Variants in DUSP22 observed in about 807,000 individuals in gnomAD.
DUSP22 encodes the protein dual specificity phosphatase 22.
DUSP22 carries 24 observed loss-of-function variants against 24.5 expected under a neutral mutation model. The ratio of observed to expected loss-of-function variants is 0.98; its 90% confidence interval spans 0.71 to 1.38. The LOEUF is 1.38. Ranked by LOEUF, DUSP22 falls within the 40% of genes most tolerant of loss-of-function variation. DUSP22 has a pLI of 0.00. For missense variants in DUSP22, 330 were observed against 269.2 expected (o/e 1.23, Z -1.58); for synonymous variants, 160 against 106.4 (o/e 1.50, Z -3.10).
intron 3 of DUSP22, among the ~76,000 whole-genome samples, chr6:322,157 A>G (rs1758624081): frequency 6.6e-6 from 1 of 152,116 alleles, no homozygotes; most frequent in South Asian, 2.1e-4. Context: ...GTGTATACAT[A>G]TCATCTACAT....
chr6:328,716 T>C (rs1450759806), intron 3 of DUSP22, among the ~76,000 whole-genome samples: 2 of 152,304 alleles, frequency 1.3e-5, no homozygotes, highest in African/African-American at 4.8e-5. Flanking sequence ...GTTTAGAACC[T>C]GGACTTAAAA....
intron 2 of DUSP22, among the ~76,000 whole-genome samples, chr6:309,349 A>G (rs1315927442): frequency 1.3e-5 from 2 of 152,304 alleles, no homozygotes; most frequent in Non-Finnish European, 2.9e-5. Context: ...ACTTTGGGTC[A>G]AAAGATGAGC....
intron 1 of DUSP22, among the ~76,000 whole-genome samples, chr6:302,911 A>G (rs1274082223): frequency 6.6e-6 from 1 of 152,300 alleles, no homozygotes; most frequent in East Asian, 1.9e-4. Context: ...TGGATTAGAC[A>G]TCGGGGTGGA....
intron 3 of DUSP22, among the ~76,000 whole-genome samples, chr6:333,284 C>T (rs1397681000): frequency 6.6e-6 from 1 of 152,300 alleles, no homozygotes; most frequent in Non-Finnish European, 1.5e-5. Flanking sequence ...CTAAATTAAC[C>T]CTTGGCATGG....
intron 4 of DUSP22, 136 bp downstream of exon 4, chr6:335,299 G>A: frequency 8.5e-7 from 1 of 1,179,168 alleles, no homozygotes; most frequent in Non-Finnish European, 1.2e-6. Flanking sequence ...AAGAGGCTGT[G>A]AGCCTACAGA....
intron 3 of DUSP22, among the ~76,000 whole-genome samples, chr6:312,945 C>T (rs1758174677): frequency 6.6e-6 from 1 of 152,096 alleles, no homozygotes. Flanking sequence ...GCTCCTACTT[C>T]CTTGTATTGT....
chr6:334,455 C>T (rs1197598478), intron 3 of DUSP22, among the ~76,000 whole-genome samples: 1 of 152,252 alleles, frequency 6.6e-6, no homozygotes, highest in Non-Finnish European at 1.5e-5. Context: ...CATGGATTTA[C>T]ATAAACCTTT....
chr6:347,241 G>A (rs1310933791), intron 5 of DUSP22, among the ~76,000 whole-genome samples: 7 of 152,302 alleles, frequency 4.6e-5, no homozygotes, highest in African/African-American at 1.7e-4. Flanking sequence ...TAAAGCCCTA[G>A]TGAAGAGCCA....
intron 3 of DUSP22, among the ~76,000 whole-genome samples, chr6:313,612 C>G (rs1232673865): frequency 1.3e-5 from 2 of 152,308 alleles, no homozygotes; most frequent in Non-Finnish European, 2.9e-5. Context: ...CCCTTTTCTT[C>G]ACTGGGACAG....
At position 349,035 on chromosome 6, in the gene DUSP22, G is replaced by A. The variant is rs1760035287; in HGVS notation, c.*84G>A. 3 of 1,521,494 alleles carry A rather than the reference G, an allele frequency of 2.0e-6. No homozygotes were observed. Among genetic ancestry groups the A allele is most frequent in the Non-Finnish European group, 2.6e-6 (3 of 1,133,290 alleles). The allele number at this position is 1,521,494 out of a possible 1,614,324, so 94.2% of individuals were successfully genotyped here. ...GGGGTGCGGTGGTGGTGGCCGATGA[G>A]GACAGGAAAGGGAGATAGCCAGGGC... On this transcript the variant is annotated 3_prime_UTR_variant, in exon 7 of 7. Coordinates refer to ENST00000419235, the MANE Select transcript of DUSP22 (RefSeq NM_001286555.3).
At chr6:296,804 A>T (rs1757351541) in intron 1 of DUSP22, among the ~76,000 whole-genome samples, 1 of 152,306 alleles carries the variant, frequency 6.6e-6, no homozygotes, top group Non-Finnish European at 1.5e-5. Flanking sequence ...GAAGCCTTGC[A>T]TTCTAGGGCA....
rs1760049117 is a variant in DUSP22 at position 349,184 on chromosome 6, G to T, written c.*233G>T. On this transcript the variant is annotated 3_prime_UTR_variant, in exon 7 of 7. Transcript: ENST00000419235. ...CTGCCCCTGGGGATGTTGCCCAGTG[G>T]CTGTGCACTGCTCTGTGCACGTGCG... 1.4e-6 allele frequency: 2 copies of T among 1,424,234 alleles called. No homozygotes were observed. Among genetic ancestry groups the T allele is most frequent in the Non-Finnish European group, 1.8e-6 (2 of 1,093,576 alleles). 88.2% of individuals were successfully genotyped at this position (1,424,234 alleles called of 1,614,324 possible).
At chr6:336,652 C>T (rs1759373162) in intron 4 of DUSP22, among the ~76,000 whole-genome samples, 2 of 152,308 alleles carry the variant, frequency 1.3e-5, no homozygotes, top group African/African-American at 4.8e-5. Context: ...CCACTGTGTG[C>T]TCCCCAGGGG....
intron 2 of DUSP22, among the ~76,000 whole-genome samples, chr6:307,771 G>T (rs1757876747): frequency 6.6e-6 from 1 of 152,308 alleles, no homozygotes; most frequent in African/African-American, 2.4e-5. Flanking sequence ...GTGTACGTGA[G>T]TGGTGTGCAT....
intron 4 of DUSP22, among the ~76,000 whole-genome samples, chr6:343,665 A>ATGTTTGCGTGTGCC: frequency 6.6e-6 from 1 of 151,902 alleles, no homozygotes; most frequent in Non-Finnish European, 1.5e-5. Flanking sequence ...ATGTGTGTGC[A>ATGTTTGCGTGTGCC]TGTTTGCGTG....
chr6:329,171 A>G lies in DUSP22; in HGVS notation c.139-5943A>G, dbSNP rs550033485. On this transcript the variant is annotated intron_variant, in intron 3 of 6. Coordinates refer to ENST00000419235, the MANE Select transcript of DUSP22 (RefSeq NM_001286555.3). The stretch of plus-strand genomic sequence containing the variant: ...CTCAAAAAGCAATTTCAGGTTCCTG[A>G]TTGCCATCTCCTGGGTCTACGATCT... Among the ~76,000 whole-genome samples the G allele has an allele frequency of 2.6e-5, 4 of 152,424 alleles. No individual in the cohort carries two copies. In the East Asian group the frequency reaches 7.7e-4, roughly 29 times the overall value.
intron 4 of DUSP22, among the ~76,000 whole-genome samples, chr6:339,307 A>T (rs951749598): frequency 1.3e-5 from 2 of 152,426 alleles, no homozygotes. Flanking sequence ...CATCTGTAAA[A>T]TGCCTATCTC....
intron 1 of DUSP22, among the ~76,000 whole-genome samples, chr6:295,137 C>A (rs1448865134): frequency 6.6e-6 from 1 of 152,284 alleles, no homozygotes; most frequent in Non-Finnish European, 1.5e-5. Flanking sequence ...CCCTAGAAAT[C>A]CTTTTCTAAG....
chr6:333,218 G>A (rs142282042), intron 3 of DUSP22, among the ~76,000 whole-genome samples: 609 of 152,234 alleles, frequency 4.0e-3, no homozygotes, highest in Non-Finnish European at 6.1e-3. Flanking sequence ...GGATAACAAA[G>A]TGAAGGCAAA....
Sources: allele counts gnomAD v4.1 joint callset (sites outside exome capture counted in the v4.1 genomes callset), GRCh38; gene constraint gnomAD v4.1.1; transcripts MANE v1.5; gene names NCBI Gene and HGNC (gene_info 2026-07-23, HGNC 2026-07-21).